SLC11A2: variants seen among roughly 807,000 people sequenced by gnomAD.
The protein encoded by SLC11A2 is natural resistance-associated macrophage protein 2.
In SLC11A2, 38 loss-of-function variants were observed where a neutral mutation model predicts 68.0. That is an observed-to-expected ratio of 0.56 (90% CI 0.43 to 0.73). SLC11A2 has a LOEUF of 0.73. Ranked by LOEUF, SLC11A2 falls within the 30% of genes least tolerant of loss-of-function variation. SLC11A2 has a pLI of 0.00. For missense variants in SLC11A2, 517 were observed against 690.5 expected (o/e 0.75, Z 2.82); for synonymous variants, 242 against 250.6 (o/e 0.97, Z 0.32).
At chr12:51,007,466 C>G (rs555383430) in intron 3 of SLC11A2, among the ~76,000 whole-genome samples, 9 of 152,126 alleles carry the variant, frequency 5.9e-5, no homozygotes, top group African/African-American at 2.2e-4. Context: ...TCCCGAGTAG[C>G]TGGGATTACA....
chr12:50,985,421 T>C (rs1258960297), downstream of SLC11A2, among the ~76,000 whole-genome samples: 3 of 152,288 alleles, frequency 2.0e-5, no homozygotes, highest in East Asian at 5.8e-4. Context: ...AAAATGAAGT[T>C]CTGGTGACAC....
In SLC11A2 at chr12:51,010,755, T is replaced by C. The variant is rs1691770394; in HGVS notation, c.-27A>G. 1.3e-6 allele frequency: 2 copies of C among 1,598,024 alleles called. No homozygotes were observed. Among genetic ancestry groups the C allele is most frequent in the Admixed American group, 3.4e-5 (2 of 58,966 alleles). On this transcript the variant is annotated 5_prime_UTR_variant, in exon 2 of 16. Coordinates refer to ENST00000262052, the MANE Select transcript of SLC11A2 (RefSeq NM_000617.3). ...GTGGATACCTGAGTGGCTGAGTTCTTAGAATATGATTCTGGAAAGGAGAAA... is the reference window on the plus strand; with the variant it reads ...GTGGATACCTGAGTGGCTGAGTTCTCAGAATATGATTCTGGAAAGGAGAAA...
At chr12:51,011,565 T>A (rs1314966332) in intron 1 of SLC11A2, among the ~76,000 whole-genome samples, 2 of 148,022 alleles carry the variant, frequency 1.4e-5, no homozygotes, top group Admixed American at 6.7e-5. Context: ...TTTTTTTGTT[T>A]TTTTTTTAGT....
At chr12:51,015,552 G>A (rs1943583243) in intron 1 of SLC11A2, among the ~76,000 whole-genome samples, 1 of 150,746 alleles carries the variant, frequency 6.6e-6, no homozygotes, top group South Asian at 2.1e-4. Flanking sequence ...GTTATGCACA[G>A]CATTCAAGTC....
intron 1 of SLC11A2, among the ~76,000 whole-genome samples, chr12:51,015,765 C>T (rs1309726709): frequency 2.0e-5 from 3 of 152,170 alleles, no homozygotes; most frequent in African/African-American, 7.2e-5. Context: ...CTTTGATATT[C>T]CAGCTTACCC....
intron 5 of SLC11A2, among the ~76,000 whole-genome samples, chr12:51,001,328 A>G (rs2136249573): frequency 6.6e-6 from 1 of 152,202 alleles, no homozygotes. Context: ...AATTGGGAGC[A>G]AAATGATAAG....
rs1210627357 is a variant in SLC11A2 at position 50,988,222 on chromosome 12, C to T, written c.*103G>A. 3.1e-6 allele frequency: 5 copies of T among 1,589,428 alleles called. No individual in the cohort carries two copies. The South Asian group carries it at 3.4e-5, about 11-fold the overall frequency. On this transcript the variant is annotated 3_prime_UTR_variant, in exon 16 of 16. Coordinates refer to ENST00000262052, the MANE Select transcript of SLC11A2 (RefSeq NM_000617.3). ...TTCCAACCAACGGTTGAGTCATAAACACAGTCTGTGCAACGGCACATACTT... is the reference window on the plus strand; with the variant it reads ...TTCCAACCAACGGTTGAGTCATAAATACAGTCTGTGCAACGGCACATACTT...
chr12:50,986,645 C>A lies in SLC11A2; in HGVS notation c.*1680G>T. 1.6e-6 allele frequency: 2 copies of A among 1,286,714 alleles called. No individual in the cohort carries two copies. Among genetic ancestry groups the A allele is most frequent in the South Asian group, 2.5e-5 (2 of 80,916 alleles). The allele number at this position is 1,286,714 out of a possible 1,614,324, so 79.7% of individuals were successfully genotyped here. A position where few individuals can be genotyped will look rare whatever the true frequency, so the allele number is the denominator to read the frequency against. On this transcript the variant is annotated 3_prime_UTR_variant, in exon 16 of 16. Coordinates refer to ENST00000262052, the MANE Select transcript of SLC11A2 (RefSeq NM_000617.3). ...AGCTTAAGATGTCAGTCCCCAATAT[C>A]TTCACAGAGTGCCTTTATGACCAGT...
At chr12:50,958,629 G>C in the SLC11A2 span, among the ~76,000 whole-genome samples, 1 of 151,990 alleles carries the variant, frequency 6.6e-6, no homozygotes, top group African/African-American at 2.4e-5. Flanking sequence ...AATCACTCTG[G>C]CTGATATTAA....
At chr12:50,982,318 G>A (rs144538672), downstream of SLC11A2, among the ~76,000 whole-genome samples, 386 of 152,256 alleles carry the variant, frequency 2.5e-3, 3 homozygotes, top group South Asian at 0.013. Flanking sequence ...CAGAATCACC[G>A]AAGCTGCTTT....
At chr12:51,027,207 G>T (rs1944429331), upstream of SLC11A2, among the ~76,000 whole-genome samples, 1 of 151,358 alleles carries the variant, frequency 6.6e-6, no homozygotes, top group African/African-American at 2.4e-5. Context: ...AGGCATCACG[G>T]CGCCCGCCTG....
At chr12:50,973,911 A>G in the SLC11A2 span, among the ~76,000 whole-genome samples, 10 of 152,340 alleles carry the variant, frequency 6.6e-5, no homozygotes, top group Admixed American at 6.5e-4. Flanking sequence ...CAAATGAATG[A>G]AATGAAGTGA....
the SLC11A2 span, chr12:50,953,992 G>GA: frequency 1.1e-5 from 17 of 1,586,546 alleles, no homozygotes; most frequent in Admixed American, 1.7e-5. Flanking sequence ...TGTTACTAGA[G>GA]AAAAAAATGT....
rs939564318 is a variant in SLC11A2, at chr12:50,986,921, C to T, written c.*1404G>A. On this transcript the variant is annotated 3_prime_UTR_variant, in exon 16 of 16. Transcript: ENST00000262052. ...CAGCGAACACCAATCAGCCAGGACT[C>T]TGGAAGGAAAGCTCCAAAAATGAGA... is the stretch of plus-strand genomic sequence containing the variant. 2.3e-6 allele frequency: 3 copies of T among 1,287,082 alleles called. No individual in the cohort carries two copies. The African/African-American group carries it at 4.6e-5, about 20-fold the overall frequency. 79.7% of individuals were successfully genotyped at this position (1,287,082 alleles called of 1,614,324 possible). A position where few individuals can be genotyped will look rare whatever the true frequency, so the allele number is the denominator to read the frequency against.
intron 15 of SLC11A2, among the ~76,000 whole-genome samples, chr12:50,990,288 T>C (rs1482927445): frequency 6.6e-6 from 1 of 152,158 alleles, no homozygotes; most frequent in African/African-American, 2.4e-5. Context: ...CCACCCCGAA[T>C]CTCTAAATCA....
At position 51,026,333 on chromosome 12, in the gene SLC11A2, A is replaced by C. The variant is rs1944387272; in HGVS notation, c.-62T>G. 1.8e-5 allele frequency: 23 copies of C among 1,273,482 alleles called. No individual in the cohort carries two copies. Among genetic ancestry groups the C allele is most frequent in the Non-Finnish European group, 2.4e-5 (23 of 978,158 alleles). 78.9% of individuals were successfully genotyped at this position (1,273,482 alleles called of 1,614,324 possible). On this transcript the variant is annotated 5_prime_UTR_variant, in exon 1 of 16. Coordinates refer to ENST00000262052, the MANE Select transcript of SLC11A2 (RefSeq NM_000617.3). ...ACCTTACCAGCTCCGCAACCACCTG[A>C]CACGCCGCCCCCGCGCCCAGGGCTC...
chr12:51,027,487 C>CT (rs1215230738), upstream of SLC11A2, among the ~76,000 whole-genome samples: 2 of 151,866 alleles, frequency 1.3e-5, no homozygotes, highest in African/African-American at 2.4e-5. Flanking sequence ...CTTAGGTGTC[C>CT]TCCCAAGCCT....
chr12:51,026,201 C>G, intron 1 of SLC11A2, 109 bp downstream of exon 1: 2 of 1,192,298 alleles, frequency 1.7e-6, no homozygotes, highest in Non-Finnish European at 2.1e-6. Context: ...GAGCCGGTGT[C>G]GCATCCTAGC....
chr12:50,992,474 T>A, intron 12 of SLC11A2, 135 bp from the exon 13 acceptor site: 1 of 813,724 alleles, frequency 1.2e-6, no homozygotes, highest in Non-Finnish European at 2.0e-6. Flanking sequence ...CTCACGCCTG[T>A]AATCCCAGCA....
Sources: allele counts gnomAD v4.1 joint callset (sites outside exome capture counted in the v4.1 genomes callset), GRCh38; gene constraint gnomAD v4.1.1; transcripts MANE v1.5; gene names NCBI Gene and HGNC (gene_info 2026-07-23, HGNC 2026-07-21).